The following DYRK1A variants were observed in gnomAD, a reference collection of about 807,000 sequenced individuals.
DYRK1A encodes the protein dual specificity tyrosine phosphorylation regulated kinase 1A.
A neutral mutation model predicts 79.7 loss-of-function variants in DYRK1A; 9 were observed. The ratio of observed to expected loss-of-function variants is 0.11; its 90% confidence interval spans 0.07 to 0.20. The LOEUF is 0.20. DYRK1A is among the 10% of genes least tolerant of loss of function. DYRK1A has a pLI of 1.00. For synonymous variants in DYRK1A, 349 were observed against 329.7 expected, an observed-to-expected ratio of 1.06 and a Z score of -0.63; for missense variants, 622 against 956.0, an observed-to-expected ratio of 0.65 and a Z score of 4.61.
chr21:37,463,647 G>A (rs1286904476), intron 2 of DYRK1A, among the ~76,000 whole-genome samples: 3 of 152,106 alleles, frequency 2.0e-5, no homozygotes, highest in Non-Finnish European at 4.4e-5. Context: ...ATTGAATGCA[G>A]GCCATGTGCC....
At position 37,476,565 on chromosome 21, in the gene DYRK1A, TAAA is replaced by T. The variant is rs1212610393; in HGVS notation, c.208-1639_208-1637del. 2.0e-5 allele frequency among the ~76,000 whole-genome samples: 3 copies of T among 152,134 alleles called. No individual in the cohort carries two copies. The East Asian group carries it at 5.8e-4, about 29-fold the overall frequency. On this transcript the variant is annotated intron_variant, in intron 3 of 11. Coordinates refer to ENST00000647188, the MANE Select transcript of DYRK1A (RefSeq NM_001347721.2). Reference sequence around the variant, plus strand: ...TGAAAACAATGCTGGGAACTTAAATTAAAAAAGAAAAGACATTTAAGGGAAACC... The same window carrying T: ...TGAAAACAATGCTGGGAACTTAAATTAAAGAAAAGACATTTAAGGGAAACC...
chr21:37,438,375 A>T (rs554186636), intron 2 of DYRK1A, among the ~76,000 whole-genome samples: 1 of 152,102 alleles, frequency 6.6e-6, no homozygotes, highest in Non-Finnish European at 1.5e-5. Flanking sequence ...AAGTTTTTGC[A>T]TAATTGTCCC....
At chr21:37,462,034 G>GT (rs2051857085) in intron 2 of DYRK1A, among the ~76,000 whole-genome samples, 1 of 151,404 alleles carries the variant, frequency 6.6e-6, no homozygotes, top group Non-Finnish European at 1.5e-5. Flanking sequence ...GTTCCTTTTC[G>GT]TAGATTCTAT....
chr21:37,406,243 T>C (rs576061148), intron 1 of DYRK1A, among the ~76,000 whole-genome samples: 106 of 152,322 alleles, frequency 7.0e-4, no homozygotes, highest in African/African-American at 2.4e-3. Flanking sequence ...ACAGAGTGTT[T>C]ACTGGTTAAT....
chr21:37,512,194 A>G lies in DYRK1A; in HGVS notation c.1928A>G (p.His643Arg), dbSNP rs762073913. 6.2e-7 allele frequency: 1 copy of G among 1,614,136 alleles called. No homozygotes were observed. Among genetic ancestry groups the G allele is most frequent in the Non-Finnish European group, 8.5e-7 (1 of 1,180,008 alleles). The part of the protein sequence containing the change: ...TQDSMEVGHS[H>R]HSMTSLSSST... ...GATTCTATGGAGGTTGGCCACAGTC[A>G]CCACTCCATGACATCCCTGTCTTCC... The change falls in exon 12 of 12, where the codon CAC becomes CGC. Residue 643 changes from histidine (H) to arginine (R), a missense_variant. Physicochemically the swap from His to Arg is conservative, Grantham distance 29. This residue lies in a region of DYRK1A where 292 missense variants were observed against 316.7 expected (regional missense o/e 0.92). Transcript: ENST00000647188.
chr21:37,377,924 CTATT>C (rs2049580602), intron 1 of DYRK1A, among the ~76,000 whole-genome samples: 1 of 152,174 alleles, frequency 6.6e-6, no homozygotes. Flanking sequence ...CATAGGATGT[CTATT>C]TATAAGGAAA....
intron 3 of DYRK1A, among the ~76,000 whole-genome samples, chr21:37,474,770 C>T (rs935460364): frequency 2.6e-5 from 4 of 152,064 alleles, no homozygotes; most frequent in Admixed American, 6.5e-5. Context: ...AGAAATAGAG[C>T]GAAAGTAGGT....
chr21:37,493,227 A>T (rs907514757), intron 8 of DYRK1A, 64 bp downstream of exon 8: 2 of 1,501,340 alleles, frequency 1.3e-6, no homozygotes, highest in African/African-American at 1.4e-5. Flanking sequence ...CATCTGTGAC[A>T]GTGTAATTTA....
At chr21:37,495,194 GT>G (rs2053229697) in intron 8 of DYRK1A, among the ~76,000 whole-genome samples, 10 of 125,502 alleles carry the variant, frequency 8.0e-5, no homozygotes, top group African/African-American at 2.0e-4. Context: ...GTGTGTGTGT[GT>G]GTGTGTGGTT....
At chr21:37,463,689 G>A (rs959573026) in intron 2 of DYRK1A, among the ~76,000 whole-genome samples, 1 of 152,172 alleles carries the variant, frequency 6.6e-6, no homozygotes, top group African/African-American at 2.4e-5. Flanking sequence ...TGATAAAATC[G>A]TGAACAAAGC....
chr21:37,465,097 A>T (rs947507123), intron 2 of DYRK1A, among the ~76,000 whole-genome samples: 1 of 152,226 alleles, frequency 6.6e-6, no homozygotes, highest in Admixed American at 6.5e-5. Flanking sequence ...CACCTCGTTT[A>T]TATACCATGT....
intron 2 of DYRK1A, among the ~76,000 whole-genome samples, chr21:37,468,758 A>C (rs546130943): frequency 7.2e-4 from 106 of 146,684 alleles, no homozygotes; most frequent in African/African-American, 2.3e-3. Flanking sequence ...CAGTGTTTAG[A>C]AGGTAATAGA....
intron 1 of DYRK1A, among the ~76,000 whole-genome samples, chr21:37,403,976 T>G: frequency 6.6e-6 from 1 of 152,032 alleles, no homozygotes; most frequent in East Asian, 1.9e-4. Flanking sequence ...TCAAACTGGG[T>G]TTTCCTGTGA....
At chr21:37,395,902 A>G (rs372412209) in intron 1 of DYRK1A, among the ~76,000 whole-genome samples, 21 of 152,228 alleles carry the variant, frequency 1.4e-4, no homozygotes, top group African/African-American at 4.8e-4. Flanking sequence ...TCATAATGGC[A>G]CTGTATACTG....
intron 1 of DYRK1A, among the ~76,000 whole-genome samples, chr21:37,411,592 T>A (rs1434212081): frequency 1.3e-5 from 2 of 152,186 alleles, no homozygotes; most frequent in African/African-American, 4.8e-5. Context: ...CATTAACAAA[T>A]GTCATATGTA....
chr21:37,387,871 C>G (rs371798195), intron 1 of DYRK1A, among the ~76,000 whole-genome samples: 9 of 152,136 alleles, frequency 5.9e-5, no homozygotes, highest in African/African-American at 1.9e-4. Flanking sequence ...GGCTTCATGG[C>G]CTTCTAGCTT....
intron 2 of DYRK1A, among the ~76,000 whole-genome samples, chr21:37,435,658 A>G (rs1272234304): frequency 6.6e-6 from 1 of 152,086 alleles, no homozygotes; most frequent in Non-Finnish European, 1.5e-5. Context: ...GAAACTGATC[A>G]TTTTTTTCAG....
chr21:37,472,174 A>C (rs1026328046), intron 2 of DYRK1A, among the ~76,000 whole-genome samples: 4 of 152,128 alleles, frequency 2.6e-5, no homozygotes, highest in Non-Finnish European at 5.9e-5. Context: ...TCCTGTTTTT[A>C]TATCCAACCT....
chr21:37,519,684 A>G lies in DYRK1A; in HGVS notation c.*7153A>G, dbSNP rs1224604938. The G allele has an allele frequency of 6.6e-6, 1 of 150,974 alleles. No homozygotes were observed. The highest frequency in any genetic ancestry group is 1.5e-5 in the Non-Finnish European group (1 of 67,908). 9.4% of individuals were successfully genotyped at this position (150,974 alleles called of 1,614,324 possible). A position where few individuals can be genotyped will look rare whatever the true frequency, so the allele number is the denominator to read the frequency against. On this transcript the variant is annotated 3_prime_UTR_variant, in exon 12 of 12. Coordinates refer to ENST00000647188, the MANE Select transcript of DYRK1A (RefSeq NM_001347721.2). The stretch of plus-strand genomic sequence containing the variant: ...ACATTCCTTTACTAGTTGGTTTTGC[A>G]TACCGCACAGTCCCTGCATCTATTT...
Sources: allele counts gnomAD v4.1 joint callset (sites outside exome capture counted in the v4.1 genomes callset), GRCh38; gene constraint gnomAD v4.1.1; regional missense constraint gnomAD v4.1.1; transcripts MANE v1.5; gene names NCBI Gene and HGNC (gene_info 2026-07-23, HGNC 2026-07-21).